The following ABCD2 variants were observed in gnomAD, a reference collection of about 807,000 sequenced individuals.
ABCD2 encodes ATP-binding cassette sub-family D member 2.
A neutral mutation model predicts 70.9 loss-of-function variants in ABCD2; 36 were observed. The observed-to-expected ratio is 0.51, with a 90% CI of 0.39 to 0.67. ABCD2 has a LOEUF of 0.67. Ranked by LOEUF, ABCD2 falls within the 30% of genes least tolerant of loss-of-function variation. The pLI, the probability that ABCD2 is intolerant of heterozygous loss-of-function variation, is 0.00. For missense variants in ABCD2, 729 were observed against 890.2 expected, an observed-to-expected ratio of 0.82 and a Z score of 2.30; for synonymous variants, 304 against 306.9, an observed-to-expected ratio of 0.99 and a Z score of 0.10.
At chr12:39,538,167 C>CT in the ABCD2 span, among the ~76,000 whole-genome samples, 9,759 of 142,458 alleles carry the variant, frequency 0.069, 612 homozygotes, top group South Asian at 0.26. Flanking sequence ...CATTTTCTTT[C>CT]TTTCTTTTTT....
chr12:39,574,219 T>C (rs1941486931), intron 8 of ABCD2, among the ~76,000 whole-genome samples: 1 of 152,140 alleles, frequency 6.6e-6, no homozygotes, highest in Non-Finnish European at 1.5e-5. Flanking sequence ...TTGCAGTAGC[T>C]AATTATCAAA....
chr12:39,551,515 C>T lies in ABCD2; in HGVS notation c.*2397G>A, dbSNP rs1941087338. ...ACCATTTGGAAACAATTGAATGGTACATAAATACAAGTTCAAATCAGAGAT... is the reference window on the plus strand; with the variant it reads ...ACCATTTGGAAACAATTGAATGGTATATAAATACAAGTTCAAATCAGAGAT... On this transcript the variant is annotated 3_prime_UTR_variant, in exon 10 of 10. Transcript: ENST00000308666. 1 of 151,658 alleles carries T rather than the reference C, an allele frequency of 6.6e-6. No homozygotes were observed. The highest frequency in any genetic ancestry group is 2.1e-4 in the South Asian group (1 of 4,834). The allele number at this position is 151,658 out of a possible 1,614,324, so 9.4% of individuals were successfully genotyped here.
intron 7 of ABCD2, among the ~76,000 whole-genome samples, chr12:39,583,406 T>C (rs569713528): frequency 7.2e-5 from 11 of 152,370 alleles, no homozygotes; most frequent in African/African-American, 2.2e-4. Flanking sequence ...AAAATACATT[T>C]AAAATTAAAC....
chr12:39,618,616 G>T, intron 1 of ABCD2, 61 bp downstream of exon 1: 1 of 1,462,134 alleles, frequency 6.8e-7, no homozygotes, highest in Non-Finnish European at 9.3e-7. Flanking sequence ...ATGGTATCTG[G>T]CACTGCAGTG....
At position 39,553,801 on chromosome 12, in the gene ABCD2, T is replaced by C. The variant is rs1941121690; in HGVS notation, c.*111A>G. ...CTTAATGCTAAAATCTTATAAAACA[T>C]GTCTTGCTGCCTTTTTTTCTCTGTG... is the stretch of plus-strand genomic sequence containing the variant. On this transcript the variant is annotated 3_prime_UTR_variant, in exon 10 of 10. Transcript: ENST00000308666. The C allele has an allele frequency of 5.2e-6, 4 of 774,394 alleles. No individual in the cohort carries two copies. The East Asian group carries it at 1.1e-4, about 21-fold the overall frequency. The allele number at this position is 774,394 out of a possible 1,614,324, so 48.0% of individuals were successfully genotyped here.
intron 9 of ABCD2, among the ~76,000 whole-genome samples, chr12:39,569,243 A>G (rs1294625820): frequency 6.6e-6 from 1 of 152,190 alleles, no homozygotes; most frequent in African/African-American, 2.4e-5. Context: ...TACAGATCCA[A>G]GCAGGCCTCC....
intron 6 of ABCD2, among the ~76,000 whole-genome samples, chr12:39,589,544 C>G (rs1419203092): frequency 6.6e-6 from 1 of 151,892 alleles, no homozygotes; most frequent in South Asian, 2.1e-4. Context: ...TCTGTCACCA[C>G]GCCTGGCTAA....
chr12:39,549,320 G>A (rs913437005), downstream of ABCD2, among the ~76,000 whole-genome samples: 3 of 152,024 alleles, frequency 2.0e-5, no homozygotes, highest in Admixed American at 2.0e-4. Context: ...CAAGAGCTGA[G>A]AAGATACTAC....
intron 9 of ABCD2, among the ~76,000 whole-genome samples, chr12:39,554,459 G>C (rs1393917161): frequency 5.3e-5 from 8 of 152,008 alleles, no homozygotes; most frequent in African/African-American, 1.7e-4. Flanking sequence ...TAGGATGGGA[G>C]TAAGGAAAGG....
At chr12:39,567,592 A>T (rs1198473824) in intron 9 of ABCD2, among the ~76,000 whole-genome samples, 1 of 152,096 alleles carries the variant, frequency 6.6e-6, no homozygotes, top group Non-Finnish European at 1.5e-5. Context: ...CCAATTTGCC[A>T]ATTTGTGTCT....
rs1461095524 is a variant in ABCD2 at position 39,554,010 on chromosome 12, C to T, written c.2125G>A (p.Gly709Arg). The change falls in exon 10 of 10, where the codon GGA becomes AGA. Residue 709 changes from glycine to arginine, a missense_variant. Coordinates refer to ENST00000308666, the MANE Select transcript of ABCD2 (RefSeq NM_005164.4). ...EKQKLESQLA[G>R]IPKMQQRLNE... ...AGTCTCTGCTGCATTTTGGGAATTC[C>T]AGCTAGCTGAGATTCTAGCTTTTGT... 1 of 1,613,480 alleles carries T rather than the reference C, an allele frequency of 6.2e-7. No individual in the cohort carries two copies. The highest frequency in any genetic ancestry group is 1.3e-5 in the African/African-American group (1 of 75,018).
chr12:39,599,637 A>G (rs915550023), intron 6 of ABCD2, among the ~76,000 whole-genome samples: 6 of 152,212 alleles, frequency 3.9e-5, no homozygotes, highest in Non-Finnish European at 8.8e-5. Flanking sequence ...AAAAACCCAC[A>G]AAACCTCATC....
chr12:39,542,185 C>T, the ABCD2 span, among the ~76,000 whole-genome samples: 1 of 152,046 alleles, frequency 6.6e-6, no homozygotes, highest in Admixed American at 6.5e-5. Context: ...AATAAATTGC[C>T]AAGCATGGTG....
At chr12:39,598,083 T>G (rs1366511696) in intron 6 of ABCD2, among the ~76,000 whole-genome samples, 1 of 152,214 alleles carries the variant, frequency 6.6e-6, no homozygotes, top group Non-Finnish European at 1.5e-5. Context: ...TTAATTATAA[T>G]TTTTCCTTAG....
downstream of ABCD2, among the ~76,000 whole-genome samples, chr12:39,548,948 T>C (rs1170194166): frequency 1.3e-5 from 2 of 152,052 alleles, no homozygotes; most frequent in African/African-American, 2.4e-5. Context: ...TTTGGAATCC[T>C]TGTTTATAAC....
At chr12:39,602,467 T>G (rs949146741) in intron 5 of ABCD2, among the ~76,000 whole-genome samples, 2 of 152,150 alleles carry the variant, frequency 1.3e-5, no homozygotes, top group Non-Finnish European at 2.9e-5. Flanking sequence ...AAATGGTTTT[T>G]TAATCCTGAA....
chr12:39,531,234 T>C, the ABCD2 span, among the ~76,000 whole-genome samples: 1 of 152,174 alleles, frequency 6.6e-6, no homozygotes, highest in Admixed American at 6.5e-5. Flanking sequence ...TTGGTGTCCA[T>C]TAATAAAATG....
chr12:39,577,816 AT>A (rs1211167698), intron 8 of ABCD2, among the ~76,000 whole-genome samples: 1 of 152,200 alleles, frequency 6.6e-6, no homozygotes, highest in Admixed American at 6.5e-5. Flanking sequence ...TACTTTAGAA[AT>A]TTTAAAAAAT....
chr12:39,604,006 C>A lies in ABCD2; in HGVS notation c.1406G>T (p.Gly469Val). 2.5e-6 allele frequency: 4 copies of A among 1,600,706 alleles called. No individual in the cohort carries two copies. Among genetic ancestry groups the A allele is most frequent in the Non-Finnish European group, 3.4e-6 (4 of 1,169,650 alleles). ...LPLSDTLAIK[G>V]KVIDVDHGII... is the part of the protein sequence containing the mutation. Reference sequence around the variant, plus strand: ...TCCGTGATCCACATCAATAACTTTTCCTGTAATTAAGAAAAAGTGTAAGAT... The same window carrying A: ...TCCGTGATCCACATCAATAACTTTTACTGTAATTAAGAAAAAGTGTAAGAT... The change falls in exon 5 of 10, where the codon GGA (glycine) becomes GTA (valine). Residue 469 changes from glycine (G) to valine (V), a missense_variant and splice_region_variant. Gly to Val is a moderately radical substitution (Grantham distance 109, BLOSUM62 -3). Around this residue, in one of 3 missense-constraint regions of ABCD2, gnomAD observed 289 missense variants for 328.8 expected, o/e 0.88. Coordinates refer to ENST00000308666, the MANE Select transcript of ABCD2 (RefSeq NM_005164.4).
Sources: allele counts gnomAD v4.1 joint callset (sites outside exome capture counted in the v4.1 genomes callset), GRCh38; gene constraint gnomAD v4.1.1; regional missense constraint gnomAD v4.1.1; transcripts MANE v1.5; gene names NCBI Gene and HGNC (gene_info 2026-07-23, HGNC 2026-07-21).